The following KIAA1671 variants were observed in gnomAD, a reference collection of about 807,000 sequenced individuals.
The protein encoded by KIAA1671 is KIAA1671, also known as uncharacterized protein KIAA1671.
KIAA1671 carries 52 observed loss-of-function variants against 131.2 expected under a neutral mutation model. The observed-to-expected ratio is 0.40, with a 90% CI of 0.32 to 0.50. KIAA1671 has a LOEUF of 0.50. Ranked by LOEUF, KIAA1671 falls within the 20% of genes least tolerant of loss-of-function variation. The pLI, the probability that KIAA1671 is intolerant of heterozygous loss-of-function variation, is 0.73. For missense variants in KIAA1671, 2,360 were observed against 2,364.2 expected (o/e 1.00, Z 0.04); for synonymous variants, 1,003 against 961.6 (o/e 1.04, Z -0.80).
intron 6 of KIAA1671, among the ~76,000 whole-genome samples, chr22:25,142,654 C>T (rs1932823147): frequency 6.6e-6 from 1 of 152,266 alleles, no homozygotes; most frequent in Middle Eastern, 3.4e-3. Context: ...GGTGGGTCAC[C>T]TGAGGTCAGG....
intron 6 of KIAA1671, among the ~76,000 whole-genome samples, chr22:25,146,972 C>T (rs971781537): frequency 3.6e-4 from 54 of 151,982 alleles, no homozygotes; most frequent in African/African-American, 9.4e-4. Context: ...AAACCTAACA[C>T]TTTGTGTGCC....
intron 1 of KIAA1671, among the ~76,000 whole-genome samples, chr22:24,983,041 T>C (rs1406079729): frequency 6.6e-6 from 1 of 152,104 alleles, no homozygotes; most frequent in Non-Finnish European, 1.5e-5. Flanking sequence ...TGCTGGGGGC[T>C]ACAGGGAACC....
intron 1 of KIAA1671, among the ~76,000 whole-genome samples, chr22:24,957,063 C>T (rs142444460): frequency 7.9e-5 from 12 of 152,200 alleles, no homozygotes; most frequent in African/African-American, 2.6e-4. Context: ...TTTACTGAAG[C>T]AGTGTATGGA....
At chr22:25,147,548 C>T (rs1412540587) in intron 6 of KIAA1671, among the ~76,000 whole-genome samples, 2 of 152,134 alleles carry the variant, frequency 1.3e-5, no homozygotes, top group African/African-American at 2.4e-5. Context: ...CTGGCCATGC[C>T]CTCCCCCTGG....
At position 25,172,163 on chromosome 22, in the gene KIAA1671, A is replaced by G. The variant is rs555984267; in HGVS notation, c.4649+1225A>G. On this transcript the variant is annotated intron_variant, in intron 7 of 12. Transcript: ENST00000358431. The stretch of plus-strand genomic sequence containing the variant: ...AGAGCACTGGACTGAGAGTCTGGAA[A>G]CCCAGGTCTTGGTTTTGCACATGTC... Among the ~76,000 whole-genome samples, 179 of 152,068 alleles carry G rather than the reference A, an allele frequency of 1.2e-3. 3 individuals carry two copies. The South Asian group carries it at 0.031, about 27-fold the overall frequency.
chr22:25,105,953 CA>C (rs1930984873), intron 6 of KIAA1671, among the ~76,000 whole-genome samples: 1 of 152,054 alleles, frequency 6.6e-6, no homozygotes, highest in African/African-American at 2.4e-5. Context: ...AGCCTCCTTT[CA>C]TTGTTGGGAG....
In KIAA1671 at chr22:25,041,492, T is replaced by C. The variant is rs1926921357; in HGVS notation, c.4362T>C (p.Cys1454=). ...GENLEAKMGP[C]WWESGTGDSH... ...ATTTGGAGGCCAAAATGGGACCCTG[T>C]TGGTGGGAGTCAGGGACTGGAGACA... The change falls in exon 5 of 13, where the codon TGT becomes TGC. Residue 1454 remains cysteine (C), a synonymous_variant. Transcript: ENST00000358431. 6.5e-7 allele frequency: 1 copy of C among 1,550,242 alleles called. No individual in the cohort carries two copies. Among genetic ancestry groups the C allele is most frequent in the Non-Finnish European group, 8.7e-7 (1 of 1,146,544 alleles).
chr22:25,185,041 C>A lies in KIAA1671; in HGVS notation c.5264C>A (p.Pro1755His). The A allele has an allele frequency of 1.3e-6, 2 of 1,551,640 alleles. No individual in the cohort carries two copies. Among genetic ancestry groups the A allele is most frequent in the Non-Finnish European group, 1.7e-6 (2 of 1,146,982 alleles). ...PGETPSWAPQ[P>H]KSPKSPFQPG... ...GAGACCCCCAGCTGGGCACCCCAAC[C>A]CAAGAGCCCCAAGTCCCCCTTCCAG... The change falls in exon 11 of 13, where the codon CCC (proline) becomes CAC (histidine). Residue 1755 changes from proline (P) to histidine (H), a missense_variant. This residue lies in a region of KIAA1671 where 1,161 missense variants were observed against 1,204.7 expected (regional missense o/e 0.96). Coordinates refer to ENST00000358431, the MANE Select transcript of KIAA1671 (RefSeq NM_001145206.2).
At chr22:24,970,747 C>CAAA (rs1555948482) in intron 1 of KIAA1671, among the ~76,000 whole-genome samples, 1 of 140,660 alleles carries the variant, frequency 7.1e-6, no homozygotes, top group Non-Finnish European at 1.5e-5. Flanking sequence ...AAAAACAAAA[C>CAAA]AAAACTCATA....
intron 1 of KIAA1671, among the ~76,000 whole-genome samples, chr22:24,986,481 G>A (rs1314021433): frequency 6.8e-5 from 10 of 147,920 alleles, no homozygotes; most frequent in Admixed American, 6.6e-4. Context: ...TATGGAATAT[G>A]ACAAGAAAAA....
At chr22:24,989,140 G>C (rs989617479) in intron 1 of KIAA1671, among the ~76,000 whole-genome samples, 3 of 152,114 alleles carry the variant, frequency 2.0e-5, no homozygotes, top group Admixed American at 6.6e-5. Flanking sequence ...GAGTAGGAAG[G>C]GGTGTTCATT....
chr22:25,057,841 A>T (rs1417132919), intron 6 of KIAA1671: 2 of 152,298 alleles, frequency 1.3e-5, no homozygotes, highest in Non-Finnish European at 2.9e-5. Context: ...GGGTTTCGCC[A>T]TGTTGCCCAG....
intron 4 of KIAA1671, among the ~76,000 whole-genome samples, chr22:25,038,208 C>T (rs917157519): frequency 2.0e-5 from 3 of 152,124 alleles, no homozygotes; most frequent in Non-Finnish European, 2.9e-5. Context: ...CACTATTTTG[C>T]CCAGGCTGGT....
chr22:24,979,358 A>T (rs5752034), intron 1 of KIAA1671, among the ~76,000 whole-genome samples: 66,915 of 124,080 alleles, frequency 0.54, 17,562 homozygotes, highest in African/African-American at 0.64. Context: ...TTATTTATTT[A>T]TTTTTTTTTG....
At chr22:25,143,998 C>G (rs1932841114) in intron 6 of KIAA1671, among the ~76,000 whole-genome samples, 1 of 151,620 alleles carries the variant, frequency 6.6e-6, no homozygotes, top group Non-Finnish European at 1.5e-5. Flanking sequence ...TAGCAAGATC[C>G]CATCTGTATA....
intron 5 of KIAA1671, chr22:25,048,931 T>C: frequency 2.9e-6 from 1 of 343,318 alleles, no homozygotes; most frequent in South Asian, 3.6e-5. Flanking sequence ...ATGTGCTGTT[T>C]CTTAGCGCCT....
Position 25,039,079 on chromosome 22 carries a change from C to A in KIAA1671, c.1949C>A (p.Pro650Gln). 1 of 1,551,684 alleles carries A rather than the reference C, an allele frequency of 6.4e-7. No homozygotes were observed. The highest frequency in any genetic ancestry group is 1.2e-5 in the South Asian group (1 of 84,066). The change falls in exon 5 of 13, where the codon CCG becomes CAG. Residue 650 changes from proline to glutamine, a missense_variant. Transcript: ENST00000358431. ...CATGCCCGTGTCTCAGAACCCAGGC[C>A]GAGGCCTGAGATGGGCTCTTGGCTG... is the stretch of plus-strand genomic sequence containing the variant. Reference protein sequence around the residue: ...MAHARVSEPRPRPEMGSWLGR... With the variant: ...MAHARVSEPRQRPEMGSWLGR...
At chr22:25,078,411 C>T (rs1929226840) in intron 6 of KIAA1671, among the ~76,000 whole-genome samples, 2 of 152,148 alleles carry the variant, frequency 1.3e-5, no homozygotes, top group Non-Finnish European at 2.9e-5. Flanking sequence ...CGCCTATAAT[C>T]TCAAATACTC....
At chr22:25,124,675 A>G (rs954803094) in intron 6 of KIAA1671, among the ~76,000 whole-genome samples, 3 of 152,206 alleles carry the variant, frequency 2.0e-5, no homozygotes, top group South Asian at 2.1e-4. Flanking sequence ...CACAGTTGCT[A>G]TCCTTACAAC....
Sources: gnomAD v4.1 joint callset for allele counts (sites outside exome capture counted in the v4.1 genomes callset) on GRCh38, gnomAD v4.1.1 for gene constraint, gnomAD v4.1.1 regional missense constraint, MANE v1.5 for transcripts, NCBI Gene and HGNC (gene_info 2026-07-23, HGNC 2026-07-21) for gene names.